Variants in LRMDA observed in about 807,000 individuals in gnomAD.
LRMDA encodes leucine-rich melanocyte differentiation-associated protein.
A neutral mutation model predicts 29.8 loss-of-function variants in LRMDA; 18 were observed. The ratio of observed to expected loss-of-function variants is 0.60; its 90% confidence interval spans 0.42 to 0.90. The LOEUF (loss-of-function observed/expected upper bound fraction) is 0.90, where lower values mean the gene tolerates loss of function less well. LRMDA is among the 40% of genes least tolerant of loss of function. The probability of loss-of-function intolerance (pLI) is 0.00; values close to 1 mark genes in which losing one functional copy is unlikely to be tolerated. For missense variants in LRMDA, 273 were observed against 273.9 expected, an observed-to-expected ratio of 1.00 and a Z score of 0.02; for synonymous variants, 125 against 109.4, an observed-to-expected ratio of 1.14 and a Z score of -0.89.
chr10:75,856,252 T>G (rs930708641), intron 2 of LRMDA, among the ~76,000 whole-genome samples: 3 of 152,228 alleles, frequency 2.0e-5, no homozygotes, highest in African/African-American at 7.2e-5. Flanking sequence ...GAGCAGTGGT[T>G]TGTAGTTCTC....
At chr10:76,132,910 C>T (rs1486786715) in intron 5 of LRMDA, among the ~76,000 whole-genome samples, 1 of 148,766 alleles carries the variant, frequency 6.7e-6, no homozygotes, top group African/African-American at 2.5e-5. Flanking sequence ...TCACGCCATT[C>T]TCCCGCCTCA....
chr10:76,134,347 A>G (rs1172958742), intron 5 of LRMDA, among the ~76,000 whole-genome samples: 1 of 152,134 alleles, frequency 6.6e-6, no homozygotes, highest in Non-Finnish European at 1.5e-5. Flanking sequence ...ATGAGACCCA[A>G]ATGTTTTTGT....
At chr10:75,781,423 A>G (rs1843381592) in intron 2 of LRMDA, among the ~76,000 whole-genome samples, 2 of 152,230 alleles carry the variant, frequency 1.3e-5, no homozygotes, top group African/African-American at 2.4e-5. Flanking sequence ...TTGGTTATTG[A>G]TTTATTATTC....
At chr10:75,570,293 C>T (rs553757518) in intron 2 of LRMDA, among the ~76,000 whole-genome samples, 1 of 152,310 alleles carries the variant, frequency 6.6e-6, no homozygotes, top group South Asian at 2.1e-4. Context: ...AAGCACTATA[C>T]TGATCTATTT....
At chr10:76,222,719 G>T (rs1851868010) in intron 5 of LRMDA, among the ~76,000 whole-genome samples, 1 of 152,092 alleles carries the variant, frequency 6.6e-6, no homozygotes, top group Non-Finnish European at 1.5e-5. Flanking sequence ...GCGATTCCTT[G>T]GATCTAGAAC....
At chr10:76,420,245 G>A (rs970521297) in intron 6 of LRMDA, among the ~76,000 whole-genome samples, 2 of 151,826 alleles carry the variant, frequency 1.3e-5, no homozygotes, top group South Asian at 4.1e-4. Context: ...TAAGATATAT[G>A]ACTATTCTAT....
At chr10:75,606,768 T>C (rs899944455) in intron 2 of LRMDA, among the ~76,000 whole-genome samples, 3 of 152,238 alleles carry the variant, frequency 2.0e-5, no homozygotes, top group African/African-American at 7.2e-5. Flanking sequence ...GCAGAAAGCA[T>C]GGATACAAAC....
At chr10:76,145,176 CT>C (rs1850288938) in intron 5 of LRMDA, among the ~76,000 whole-genome samples, 1 of 152,174 alleles carries the variant, frequency 6.6e-6, no homozygotes, top group South Asian at 2.1e-4. Context: ...CTCTGCCAGA[CT>C]TTGGTATCAG....
At chr10:75,875,228 C>A (rs1444830683) in intron 2 of LRMDA, among the ~76,000 whole-genome samples, 1 of 152,144 alleles carries the variant, frequency 6.6e-6, no homozygotes, top group African/African-American at 2.4e-5. Flanking sequence ...TGAACTGCTT[C>A]CTGCTAATTT....
chr10:76,223,909 T>A (rs1162673667), intron 5 of LRMDA, among the ~76,000 whole-genome samples: 2 of 152,174 alleles, frequency 1.3e-5, no homozygotes, highest in East Asian at 1.9e-4. Flanking sequence ...GTCTTTCTAC[T>A]TGGTCTATCC....
chr10:76,446,543 T>G (rs897851369), intron 6 of LRMDA, among the ~76,000 whole-genome samples: 2 of 152,240 alleles, frequency 1.3e-5, no homozygotes, highest in South Asian at 4.1e-4. Flanking sequence ...TAATTTTTTC[T>G]TAATATTTTG....
At chr10:75,466,436 T>G (rs1844651185) in intron 2 of LRMDA, among the ~76,000 whole-genome samples, 1 of 152,182 alleles carries the variant, frequency 6.6e-6, no homozygotes, top group African/African-American at 2.4e-5. Context: ...CTTTGCCTGA[T>G]AAGTTCTTCA....
At chr10:76,100,035 C>G (rs1321996347) in intron 5 of LRMDA, among the ~76,000 whole-genome samples, 1 of 152,176 alleles carries the variant, frequency 6.6e-6, no homozygotes, top group East Asian at 1.9e-4. Context: ...AAGTCTCCAA[C>G]TGTAATCATA....
At chr10:75,627,590 G>T (rs1564525828) in intron 2 of LRMDA, among the ~76,000 whole-genome samples, 1 of 152,124 alleles carries the variant, frequency 6.6e-6, no homozygotes, top group Non-Finnish European at 1.5e-5. Flanking sequence ...GAGACAAAAG[G>T]CAGAGGGCCT....
intron 6 of LRMDA, among the ~76,000 whole-genome samples, chr10:76,406,768 G>A (rs1841906349): frequency 6.6e-6 from 1 of 152,176 alleles, no homozygotes; most frequent in Admixed American, 6.5e-5. Flanking sequence ...GGCCTTCCCT[G>A]GAGCAGATTT....
chr10:76,242,201 C>A (rs1178855377), intron 5 of LRMDA: 3 of 152,148 alleles, frequency 2.0e-5, no homozygotes, highest in African/African-American at 7.2e-5. Flanking sequence ...TGATGCTGAA[C>A]TTAGTGTGGA....
chr10:75,796,717 T>G (rs1016852712), intron 2 of LRMDA, among the ~76,000 whole-genome samples: 1 of 152,146 alleles, frequency 6.6e-6, no homozygotes, highest in Non-Finnish European at 1.5e-5. Context: ...AGATTACAAG[T>G]GCCTGCCACC....
chr10:76,534,501 A>G (rs1843270765), intron 6 of LRMDA, among the ~76,000 whole-genome samples: 2 of 152,210 alleles, frequency 1.3e-5, no homozygotes, highest in Admixed American at 1.3e-4. Context: ...CAAAAATTAC[A>G]CCTGGAGGAA....
rs1460801746 is a variant in LRMDA, at chr10:75,830,410, A to G, written c.132-205598A>G. On this transcript the variant is annotated intron_variant, in intron 2 of 6. Coordinates refer to ENST00000611255, the MANE Select transcript of LRMDA (RefSeq NM_001305581.2). The stretch of plus-strand genomic sequence containing the variant: ...CTGTTTTCATGCTGCTGATAAAGAC[A>G]TACCTGAGACTGGGCAATGTACAAA... Among the ~76,000 whole-genome samples, 3 of 152,230 alleles carry G rather than the reference A, an allele frequency of 2.0e-5. No homozygotes were observed. In the South Asian group the frequency reaches 6.2e-4, roughly 32 times the overall value.
Sources: allele counts gnomAD v4.1 joint callset (sites outside exome capture counted in the v4.1 genomes callset), GRCh38; gene constraint gnomAD v4.1.1; transcripts MANE v1.5; gene names NCBI Gene and HGNC (gene_info 2026-07-23, HGNC 2026-07-21).